SNX27: variants seen among roughly 807,000 people sequenced by gnomAD.
The protein encoded by SNX27 is sorting nexin-27.
Under a neutral mutation model 71.6 loss-of-function variants are expected in SNX27, and 22 were observed. That is an observed-to-expected ratio of 0.31 (90% CI 0.22 to 0.44). SNX27 has a LOEUF of 0.44. SNX27 is among the 20% of genes least tolerant of loss of function. The probability of loss-of-function intolerance (pLI) is 1.00; values close to 1 mark genes in which losing one functional copy is unlikely to be tolerated. For synonymous variants in SNX27, 269 were observed against 277.2 expected, an observed-to-expected ratio of 0.97 and a Z score of 0.29; for missense variants, 531 against 698.6, an observed-to-expected ratio of 0.76 and a Z score of 2.70.
At chr1:151,685,159 C>T (rs980160301) in intron 8 of SNX27, among the ~76,000 whole-genome samples, 1 of 151,804 alleles carries the variant, frequency 6.6e-6, no homozygotes, top group Non-Finnish European at 1.5e-5. Context: ...GTAAAGACAG[C>T]AGAAAAGTTA....
intron 1 of SNX27, 47 bp from the exon 2 acceptor site, chr1:151,638,841 G>A: frequency 6.4e-7 from 1 of 1,569,010 alleles, no homozygotes; most frequent in Non-Finnish European, 8.8e-7. Context: ...CAAGGTGTTT[G>A]GACCCTTCTG....
At chr1:151,630,482 C>A (rs1008425265) in intron 1 of SNX27, among the ~76,000 whole-genome samples, 2 of 152,004 alleles carry the variant, frequency 1.3e-5, no homozygotes, top group Admixed American at 6.6e-5. Context: ...AAACTTTGGC[C>A]ATTTACTTTC....
intron 1 of SNX27, among the ~76,000 whole-genome samples, chr1:151,627,609 A>G (rs1668003506): frequency 1.3e-5 from 2 of 152,048 alleles, no homozygotes; most frequent in Non-Finnish European, 2.9e-5. Context: ...GTTTTTTTAA[A>G]TAGAGATGGG....
At chr1:151,651,322 C>CG (rs1276286871) in intron 2 of SNX27, among the ~76,000 whole-genome samples, 1 of 146,976 alleles carries the variant, frequency 6.8e-6, no homozygotes, top group African/African-American at 2.5e-5. Flanking sequence ...GCTGGCGGGG[C>CG]GGGGGGCTGA....
At chr1:151,656,421 T>C (rs1272055597) in intron 2 of SNX27, among the ~76,000 whole-genome samples, 1 of 152,156 alleles carries the variant, frequency 6.6e-6, no homozygotes, top group African/African-American at 2.4e-5. Context: ...GGTCAATAAG[T>C]ATATGAAGAG....
intron 2 of SNX27, among the ~76,000 whole-genome samples, chr1:151,650,403 G>A (rs1669269672): frequency 6.6e-6 from 1 of 151,902 alleles, no homozygotes; most frequent in African/African-American, 2.4e-5. Context: ...TATTTGTCCT[G>A]CTTGAGGAAT....
intron 1 of SNX27, among the ~76,000 whole-genome samples, chr1:151,629,867 A>G (rs1167124210): frequency 6.6e-6 from 1 of 151,594 alleles, no homozygotes; most frequent in Non-Finnish European, 1.5e-5. Context: ...GCGTGAGCCA[A>G]TGTGCCCGGC....
intron 2 of SNX27, among the ~76,000 whole-genome samples, chr1:151,640,207 T>C (rs1668660805): frequency 6.6e-6 from 1 of 152,176 alleles, no homozygotes; most frequent in Non-Finnish European, 1.5e-5. Flanking sequence ...TAGAGTTTTA[T>C]GCTTCCTAAG....
chr1:151,621,693 A>G (rs1378911366), intron 1 of SNX27, among the ~76,000 whole-genome samples: 1 of 152,196 alleles, frequency 6.6e-6, no homozygotes, highest in Non-Finnish European at 1.5e-5. Context: ...TCCACCCGCA[A>G]ATACCACAGT....
intron 8 of SNX27, among the ~76,000 whole-genome samples, chr1:151,689,918 G>A (rs1671361158): frequency 6.6e-6 from 1 of 151,688 alleles, no homozygotes; most frequent in South Asian, 2.1e-4. Context: ...GCACAATCCC[G>A]GCTCACTGCA....
chr1:151,647,846 A>C (rs1164955544), intron 2 of SNX27, among the ~76,000 whole-genome samples: 1 of 150,830 alleles, frequency 6.6e-6, no homozygotes, highest in Non-Finnish European at 1.5e-5. Context: ...AAGGGCACAA[A>C]AAAGCAATAA....
chr1:151,648,849 A>G (rs1453046195), intron 2 of SNX27, among the ~76,000 whole-genome samples: 4 of 151,996 alleles, frequency 2.6e-5, no homozygotes, highest in African/African-American at 9.7e-5. Flanking sequence ...TTGGCAATGA[A>G]TTCTCTTAGC....
In SNX27 at chr1:151,683,442, C is replaced by A; in HGVS notation, c.1236C>A (p.Val412=). The change falls in exon 8 of 12, where the codon GTC becomes GTA. Residue 412 remains valine, a synonymous_variant. Transcript: ENST00000458013. ...AGCTATACGAACAAAGAAAAATGGT[C>A]ATGGTAAGTTTATGTCCCCATAATC... ...LQKLYEQRKM[V]MYLNMLRTCE... 1 of 1,611,808 alleles carries A rather than the reference C, an allele frequency of 6.2e-7. No homozygotes were observed. Among genetic ancestry groups the A allele is most frequent in the South Asian group, 1.1e-5 (1 of 90,856 alleles).
At chr1:151,675,097 C>T (rs997754604) in intron 7 of SNX27, among the ~76,000 whole-genome samples, 3 of 152,000 alleles carry the variant, frequency 2.0e-5, no homozygotes, top group African/African-American at 7.2e-5. Flanking sequence ...TTGGGAATTT[C>T]GTCATATAAA....
chr1:151,637,430 G>A (rs950139723), intron 1 of SNX27, among the ~76,000 whole-genome samples: 2 of 151,976 alleles, frequency 1.3e-5, no homozygotes, highest in African/African-American at 4.8e-5. Context: ...CACCCGCCTC[G>A]GCCTCCCAAA....
Position 151,665,965 on chromosome 1 carries a change from G to A in SNX27, c.939G>A (p.Thr313=), listed in dbSNP as rs980805672. ...AIAAKVGMDS[T]TVNYFALFEV... is the part of the protein sequence containing the mutation. The stretch of plus-strand genomic sequence containing the variant: ...CAGCAAAGGTTGGCATGGACAGTAC[G>A]ACAGTGAATTACTTTGCCTTATTTG... Residue 313 remains threonine (T), a synonymous_variant, in exon 6 of 12, where the codon ACG becomes ACA. Coordinates refer to ENST00000458013, the MANE Select transcript of SNX27 (RefSeq NM_001330723.2). 9 of 1,608,440 alleles carry A rather than the reference G, an allele frequency of 5.6e-6. No individual in the cohort carries two copies. The highest frequency in any genetic ancestry group is 5.5e-5 in the South Asian group (5 of 90,152).
chr1:151,691,232 G>A (rs993703912), intron 8 of SNX27, among the ~76,000 whole-genome samples: 1 of 151,890 alleles, frequency 6.6e-6, no homozygotes, highest in Non-Finnish European at 1.5e-5. Flanking sequence ...GCAGTGAGCC[G>A]AGATGTGCCA....
intron 1 of SNX27, among the ~76,000 whole-genome samples, chr1:151,620,126 C>A (rs1336891802): frequency 6.6e-6 from 1 of 152,108 alleles, no homozygotes; most frequent in African/African-American, 2.4e-5. Flanking sequence ...CTTAGGCTAG[C>A]AAGGGGCTTA....
At chr1:151,658,018 CAA>C (rs1265055897) in intron 2 of SNX27, among the ~76,000 whole-genome samples, 1 of 151,960 alleles carries the variant, frequency 6.6e-6, no homozygotes, top group African/African-American at 2.4e-5. Context: ...CCCCAAAAAA[CAA>C]AAACAAGATC....
Sources: allele counts gnomAD v4.1 joint callset (sites outside exome capture counted in the v4.1 genomes callset), GRCh38; gene constraint gnomAD v4.1.1; transcripts MANE v1.5; gene names NCBI Gene and HGNC (gene_info 2026-07-23, HGNC 2026-07-21).